Variants in CDC73 observed in about 807,000 individuals in gnomAD.
The protein encoded by CDC73 is parafibromin.
In CDC73, 21 loss-of-function variants were observed where a neutral mutation model predicts 83.7. That is an observed-to-expected ratio of 0.25 (90% confidence interval 0.18 to 0.36). The LOEUF (loss-of-function observed/expected upper bound fraction) is 0.36. CDC73 is among the 10% of genes least tolerant of loss of function. CDC73 has a pLI of 1.00. For synonymous variants in CDC73, 224 were observed against 212.9 expected (o/e 1.05, Z -0.45); for missense variants, 342 against 653.3 (o/e 0.52, Z 5.19).
intron 10 of CDC73, among the ~76,000 whole-genome samples, chr1:193,198,452 T>G (rs1383271749): frequency 6.6e-6 from 1 of 152,168 alleles, no homozygotes; most frequent in African/African-American, 2.4e-5. Flanking sequence ...ACACTGTCTG[T>G]CCCCTCCAGA....
intron 15 of CDC73, among the ~76,000 whole-genome samples, chr1:193,246,333 AT>A (rs1677953174): frequency 6.6e-6 from 1 of 152,022 alleles, no homozygotes; most frequent in Non-Finnish European, 1.5e-5. Context: ...ATATAGAGAT[AT>A]ACAGTTTTCC....
chr1:193,187,112 C>CCCCCCT (rs1553285126), intron 10 of CDC73, among the ~76,000 whole-genome samples: 1 of 113,450 alleles, frequency 8.8e-6, no homozygotes, highest in Non-Finnish European at 2.0e-5. Flanking sequence ...TCCCCCCCCC[C>CCCCCCT]GTTTTCTGGG....
At chr1:193,127,743 C>G (rs991072306) in intron 2 of CDC73, 2 of 151,222 alleles carry the variant, frequency 1.3e-5, no homozygotes, top group Non-Finnish European at 2.9e-5. Context: ...TCTAAAATTC[C>G]AAAATTCTAT....
At chr1:193,176,742 A>G (rs966826807) in intron 10 of CDC73, among the ~76,000 whole-genome samples, 1 of 152,220 alleles carries the variant, frequency 6.6e-6, no homozygotes, top group Non-Finnish European at 1.5e-5. Context: ...AATTTATCCA[A>G]ATAGTCTGGA....
chr1:193,250,700 C>T lies in CDC73; in HGVS notation c.1584C>T (p.His528=). The change falls in exon 17 of 17, where the codon CAC becomes CAT. Residue 528 remains histidine, a synonymous_variant. Transcript: ENST00000367435. ...LDRYMVKHKS[H]LRF ...GGTACATGGTAAAGCATAAATCGCA[C>T]TTGAGATTCTGAATTATTTGGCTCC... is the stretch of plus-strand genomic sequence containing the variant. 6.2e-7 allele frequency: 1 copy of T among 1,608,634 alleles called. No individual in the cohort carries two copies. The highest frequency in any genetic ancestry group is 1.1e-5 in the South Asian group (1 of 90,894).
chr1:193,240,560 G>A (rs1055379611), intron 15 of CDC73, among the ~76,000 whole-genome samples: 7 of 152,196 alleles, frequency 4.6e-5, no homozygotes, highest in Non-Finnish European at 8.8e-5. Context: ...ATTGGGGTAA[G>A]ATGATATTTC....
At chr1:193,210,041 A>G (rs17593120) in intron 11 of CDC73, among the ~76,000 whole-genome samples, 6,039 of 152,262 alleles carry the variant, frequency 0.04, 115 homozygotes, top group Middle Eastern at 0.048. Flanking sequence ...CTATGTAGCC[A>G]ATGAGATTTA....
chr1:193,149,996 G>A (rs919550125), intron 8 of CDC73, among the ~76,000 whole-genome samples: 1 of 152,068 alleles, frequency 6.6e-6, no homozygotes, highest in Non-Finnish European at 1.5e-5. Context: ...AGGTACTTTA[G>A]CCAGGTATGG....
intron 14 of CDC73, among the ~76,000 whole-genome samples, chr1:193,235,068 T>A (rs1416366150): frequency 6.6e-6 from 1 of 152,130 alleles, no homozygotes; most frequent in Non-Finnish European, 1.5e-5. Context: ...TTAATTGCAG[T>A]GGTTATCAAA....
At chr1:193,135,292 T>C in intron 3 of CDC73, 99 bp from the exon 4 acceptor site, 1 of 955,448 alleles carries the variant, frequency 1.0e-6, no homozygotes, top group South Asian at 1.4e-5. Context: ...AAAATCACCA[T>C]ATAGAAGTAT....
chr1:193,228,366 GT>G (rs1677600020), intron 13 of CDC73, among the ~76,000 whole-genome samples: 1 of 152,100 alleles, frequency 6.6e-6, no homozygotes, highest in Non-Finnish European at 1.5e-5. Flanking sequence ...AAAAGATACG[GT>G]GCAATTTAGC....
intron 11 of CDC73, among the ~76,000 whole-genome samples, chr1:193,204,232 T>C (rs1318965611): frequency 7.0e-6 from 1 of 142,116 alleles, no homozygotes; most frequent in African/African-American, 2.6e-5. Flanking sequence ...TATATGTATA[T>C]ATACACGTAT....
rs1316699413 is a variant in CDC73 at position 193,203,780 on chromosome 1, C to T, written c.973-15C>T. 12 of 1,600,566 alleles carry T rather than the reference C, an allele frequency of 7.5e-6. No individual in the cohort carries two copies. Among genetic ancestry groups the T allele is most frequent in the Middle Eastern group, 3.3e-4 (2 of 6,064 alleles). On this transcript the variant is annotated splice_polypyrimidine_tract_variant and intron_variant, in intron 10 of 16. Coordinates refer to ENST00000367435, the MANE Select transcript of CDC73 (RefSeq NM_024529.5). ...GAAACTTTGATCTTATATATCAATT[C>T]TTATTCTTTTAAAGGAGGGTGCATC...
At chr1:193,147,000 A>T (rs78635278) in intron 7 of CDC73, among the ~76,000 whole-genome samples, 1 of 147,646 alleles carries the variant, frequency 6.8e-6, no homozygotes, top group African/African-American at 2.5e-5. Context: ...TTTTATTTAG[A>T]TTTTTTTTTT....
intron 10 of CDC73, among the ~76,000 whole-genome samples, chr1:193,173,779 CAA>C (rs1244063047): frequency 6.6e-6 from 1 of 151,918 alleles, no homozygotes; most frequent in Admixed American, 6.6e-5. Flanking sequence ...AAAGTAAAAT[CAA>C]GATATTTTTT....
At chr1:193,191,706 A>C (rs1329953699) in intron 10 of CDC73, among the ~76,000 whole-genome samples, 2 of 152,092 alleles carry the variant, frequency 1.3e-5, no homozygotes, top group African/African-American at 4.8e-5. Context: ...AATGTCTTTA[A>C]AAATTTTATT....
At chr1:193,234,790 A>G (rs1370883938) in intron 14 of CDC73, among the ~76,000 whole-genome samples, 1 of 152,200 alleles carries the variant, frequency 6.6e-6, no homozygotes, top group East Asian at 1.9e-4. Flanking sequence ...AAACTGAAAG[A>G]TTATTTAATA....
In CDC73 at chr1:193,251,844, G is replaced by GT. The variant is rs538761780; in HGVS notation, c.*1144dup. ...TTGCCTTGAACCTTGATTTCACTTTGTTTTTTTTTTTTCCTTAAAGGCAAC... is the reference window on the plus strand; with the variant it reads ...TTGCCTTGAACCTTGATTTCACTTTGTTTTTTTTTTTTTCCTTAAAGGCAAC... On this transcript the variant is annotated 3_prime_UTR_variant, in exon 17 of 17. Transcript: ENST00000367435. The GT allele has an allele frequency of 0.044, 7,906 of 178,268 alleles. 6 individuals are homozygous for GT. Among genetic ancestry groups the GT allele is most frequent in the Middle Eastern group, 0.09 (44 of 490 alleles). 11.0% of individuals were successfully genotyped at this position (178,268 alleles called of 1,614,324 possible).
intron 10 of CDC73, among the ~76,000 whole-genome samples, chr1:193,189,937 G>GTGT (rs1253179686): frequency 9.2e-5 from 14 of 152,148 alleles, no homozygotes; most frequent in African/African-American, 3.4e-4. Context: ...AAAAGAGAAA[G>GTGT]GTAGGGGGAG....
Sources: allele counts gnomAD v4.1 joint callset (sites outside exome capture counted in the v4.1 genomes callset), GRCh38; gene constraint gnomAD v4.1.1; transcripts MANE v1.5; gene names NCBI Gene and HGNC (gene_info 2026-07-23, HGNC 2026-07-21).